Variants in DNAJB6 observed in about 807,000 individuals in gnomAD.
DNAJB6 encodes dnaJ homolog subfamily B member 6.
DNAJB6 carries 16 observed loss-of-function variants against 42.7 expected under a neutral mutation model. That is an observed-to-expected ratio of 0.37 (90% CI 0.25 to 0.57). The LOEUF is 0.57. Among genes scored for constraint, DNAJB6 ranks in the 20% least tolerant of loss-of-function variants. The probability of loss-of-function intolerance (pLI) is 0.74; values close to 1 mark genes in which losing one functional copy is unlikely to be tolerated. For missense variants in DNAJB6, 347 were observed against 416.8 expected, an observed-to-expected ratio of 0.83 and a Z score of 1.46; for synonymous variants, 170 against 163.5, an observed-to-expected ratio of 1.04 and a Z score of -0.30.
Position 157,416,131 on chromosome 7 carries a change from C to T in DNAJB6, c.*33C>T, listed in dbSNP as rs369741728. The T allele has an allele frequency of 5.0e-5, 80 of 1,603,360 alleles. No homozygotes were observed. The highest frequency in any genetic ancestry group is 1.3e-4 in the African/African-American group (10 of 74,780). On this transcript the variant is annotated 3_prime_UTR_variant, in exon 10 of 10. Coordinates refer to ENST00000262177, the MANE Select transcript of DNAJB6 (RefSeq NM_058246.4). ...TTGAGGCACGCGGTGCACCCCCAGA[C>T]GCTGGCGCTCCACCGTGCTCGGCAT...
At position 157,382,229 on chromosome 7, in the gene DNAJB6, T is replaced by A. The variant is rs1800820181; in HGVS notation, c.347-17T>A. ...TGAAAAAAAGACTTCATAGTGTGTGTTTATGTTTGATTTTAGAAGACCCTT... is the reference window on the plus strand; with the variant it reads ...TGAAAAAAAGACTTCATAGTGTGTGATTATGTTTGATTTTAGAAGACCCTT... On this transcript the variant is annotated splice_polypyrimidine_tract_variant and intron_variant, in intron 5 of 9. Transcript: ENST00000262177. The A allele has an allele frequency of 1.3e-6, 2 of 1,581,542 alleles. No individual in the cohort carries two copies. The highest frequency in any genetic ancestry group is 1.7e-6 in the Non-Finnish European group (2 of 1,170,210).
intron 8 of DNAJB6, among the ~76,000 whole-genome samples, chr7:157,387,344 T>C (rs1350635289): frequency 1.3e-5 from 2 of 152,188 alleles, no homozygotes; most frequent in Non-Finnish European, 2.9e-5. Flanking sequence ...AAGGTAGGTA[T>C]GCAGCCATGG....
chr7:157,366,325 A>C (rs947962232), intron 3 of DNAJB6, among the ~76,000 whole-genome samples, 177 bp from the exon 4 acceptor site: 1 of 152,172 alleles, frequency 6.6e-6, no homozygotes, highest in Non-Finnish European at 1.5e-5. Context: ...TTTTCAGGAG[A>C]GAGGTACAGA....
intron 1 of DNAJB6, among the ~76,000 whole-genome samples, chr7:157,347,842 C>T (rs1046060109): frequency 3.3e-5 from 5 of 152,196 alleles, no homozygotes; most frequent in African/African-American, 1.2e-4. Flanking sequence ...GTCACCCTGG[C>T]TGGAGTGCAG....
intron 1 of DNAJB6, among the ~76,000 whole-genome samples, chr7:157,340,998 G>GCGCGCGCGCGCT (rs57155944): frequency 0.18 from 23,583 of 134,522 alleles, 2,230 homozygotes; most frequent in Middle Eastern, 0.3. Flanking sequence ...GTGTGTGTGT[G>GCGCGCGCGCGCT]CGCGCGCGCA....
chr7:157,396,906 C>A (rs1002815944), intron 8 of DNAJB6, among the ~76,000 whole-genome samples: 1 of 152,128 alleles, frequency 6.6e-6, no homozygotes, highest in Non-Finnish European at 1.5e-5. Flanking sequence ...GGAAGGCCGA[C>A]GCCACAGTGT....
At chr7:157,345,796 T>G (rs1016395639) in intron 1 of DNAJB6, among the ~76,000 whole-genome samples, 1 of 152,194 alleles carries the variant, frequency 6.6e-6, no homozygotes, top group Admixed American at 6.6e-5. Flanking sequence ...TTAAAAAGGT[T>G]TTTGCCAAGT....
At chr7:157,354,374 C>A (rs1470265577) in intron 1 of DNAJB6, among the ~76,000 whole-genome samples, 1 of 151,718 alleles carries the variant, frequency 6.6e-6, no homozygotes, top group East Asian at 2.0e-4. Context: ...CTCGAACTCC[C>A]GACCTCAGGT....
At chr7:157,344,944 C>T (rs1798608155) in intron 1 of DNAJB6, among the ~76,000 whole-genome samples, 1 of 152,084 alleles carries the variant, frequency 6.6e-6, no homozygotes, top group African/African-American at 2.4e-5. Context: ...CTTTACAGCA[C>T]TGTCACTTTT....
intron 8 of DNAJB6, among the ~76,000 whole-genome samples, chr7:157,394,963 C>T (rs771630535): frequency 5.9e-5 from 9 of 152,050 alleles, no homozygotes; most frequent in East Asian, 1.9e-4. Flanking sequence ...TGGGGGTGCA[C>T]GCCTCTAGTC....
chr7:157,405,134 T>C (rs1795715913), intron 8 of DNAJB6, among the ~76,000 whole-genome samples: 1 of 152,184 alleles, frequency 6.6e-6, no homozygotes, highest in Non-Finnish European at 1.5e-5. Context: ...CTCCAGGTCC[T>C]CCCACATGTG....
chr7:157,363,705 AAG>A lies in DNAJB6; in HGVS notation c.175+438_175+439del, dbSNP rs1799717478. Among the ~76,000 whole-genome samples, 3 of 152,272 alleles carry A rather than the reference AAG, an allele frequency of 2.0e-5. No individual in the cohort carries two copies. The South Asian group carries it at 6.2e-4, about 32-fold the overall frequency. On this transcript the variant is annotated intron_variant, in intron 3 of 9. Transcript: ENST00000262177. ...TGAGAGGATGTCATTAGTTCCCAAA[AAG>A]AGGGGATGGAACATACAGCTAAAAT...
intron 5 of DNAJB6, chr7:157,379,165 A>T (rs894178588): frequency 3.9e-5 from 6 of 152,190 alleles, no homozygotes; most frequent in African/African-American, 1.4e-4. Context: ...TCTGTAGATG[A>T]TGATATAATT....
chr7:157,349,758 CCTCA>C (rs1798874176), intron 1 of DNAJB6, among the ~76,000 whole-genome samples: 1 of 152,186 alleles, frequency 6.6e-6, no homozygotes, highest in Non-Finnish European at 1.5e-5. Context: ...AATTCTCATG[CCTCA>C]GTCTCCTGAG....
intron 1 of DNAJB6, among the ~76,000 whole-genome samples, chr7:157,343,605 C>T (rs781134088): frequency 6.6e-6 from 1 of 152,144 alleles, no homozygotes; most frequent in Non-Finnish European, 1.5e-5. Flanking sequence ...GGCGCCACCA[C>T]GTCTGACTGG....
At chr7:157,352,382 G>T (rs1345979146) in intron 1 of DNAJB6, among the ~76,000 whole-genome samples, 1 of 151,910 alleles carries the variant, frequency 6.6e-6, no homozygotes, top group African/African-American at 2.4e-5. Flanking sequence ...AAGTAAGCTA[G>T]GAGTATCTTC....
In DNAJB6 at chr7:157,357,284, TTCCG is replaced by T. The variant is rs375925798; in HGVS notation, c.-26-1259_-26-1256del. ...CTTCCGTCCTTCCTTCCGTCCTTCCTTCCGTCCTTCCTTCCTTCCTTCCTTCCTT... is the reference window on the plus strand; with the variant it reads ...CTTCCGTCCTTCCTTCCGTCCTTCCTTCCTTCCTTCCTTCCTTCCTTCCTT... On this transcript the variant is annotated intron_variant, in intron 1 of 9. Coordinates refer to ENST00000262177, the MANE Select transcript of DNAJB6 (RefSeq NM_058246.4). Among the ~76,000 whole-genome samples the T allele has an allele frequency of 4.8e-3, 279 of 57,594 alleles. 28 individuals carry two copies. Among genetic ancestry groups the T allele is most frequent in the Non-Finnish European group, 6.0e-3 (177 of 29,324 alleles). 37.8% of individuals were successfully genotyped at this position (57,594 alleles called of 152,430 possible).
At chr7:157,396,251 A>G (rs1232772026) in intron 8 of DNAJB6, among the ~76,000 whole-genome samples, 2 of 152,054 alleles carry the variant, frequency 1.3e-5, no homozygotes, top group Non-Finnish European at 2.9e-5. Context: ...GCCTGGCCCC[A>G]TGTTCCTTTT....
chr7:157,342,946 G>T (rs946039231), intron 1 of DNAJB6, among the ~76,000 whole-genome samples: 3 of 99,050 alleles, frequency 3.0e-5, no homozygotes, highest in African/African-American at 1.2e-4. Flanking sequence ...ATTCACTGCT[G>T]TGGGTTTTTT....
Sources: allele counts gnomAD v4.1 joint callset (sites outside exome capture counted in the v4.1 genomes callset), GRCh38; gene constraint gnomAD v4.1.1; transcripts MANE v1.5; gene names NCBI Gene and HGNC (gene_info 2026-07-23, HGNC 2026-07-21).